The following CAMKMT variants were observed in gnomAD, a reference collection of about 807,000 sequenced individuals.
CAMKMT encodes CaM KMT.
In CAMKMT, 53 loss-of-function variants were observed where a neutral mutation model predicts 48.0. That is an observed-to-expected ratio of 1.10 (90% CI 0.89 to 1.39). The LOEUF is 1.39. Among genes scored for constraint, CAMKMT ranks in the 40% most tolerant of loss-of-function variants. The pLI, the probability that CAMKMT is intolerant of heterozygous loss-of-function variation, is 0.00. For synonymous variants in CAMKMT, 165 were observed against 152.3 expected (o/e 1.08, Z -0.61); for missense variants, 428 against 402.7 (o/e 1.06, Z -0.54).
At chr2:44,717,807 G>A (rs1443056726) in intron 7 of CAMKMT, among the ~76,000 whole-genome samples, 3 of 150,956 alleles carry the variant, frequency 2.0e-5, no homozygotes, top group Admixed American at 6.6e-5. Flanking sequence ...AAGGAAAGTC[G>A]TGGTATGAGA....
At chr2:44,585,347 A>T in intron 3 of CAMKMT, among the ~76,000 whole-genome samples, 1 of 152,232 alleles carries the variant, frequency 6.6e-6, no homozygotes, top group East Asian at 1.9e-4. Context: ...GAAGCAATTC[A>T]GCTGAACTTC....
chr2:44,500,999 C>G (rs1669980287), intron 3 of CAMKMT, among the ~76,000 whole-genome samples: 1 of 151,352 alleles, frequency 6.6e-6, no homozygotes, highest in African/African-American at 2.4e-5. Flanking sequence ...AGTTGAAGAT[C>G]AAAGATATAG....
At chr2:44,552,615 C>T (rs72881156) in intron 3 of CAMKMT, among the ~76,000 whole-genome samples, 3,273 of 152,222 alleles carry the variant, frequency 0.022, 95 homozygotes, top group African/African-American at 0.069. Context: ...GTTTCAGGAA[C>T]CATGCTAAGC....
intron 3 of CAMKMT, among the ~76,000 whole-genome samples, chr2:44,529,932 G>T (rs1012334401): frequency 3.3e-5 from 5 of 152,120 alleles, no homozygotes; most frequent in Non-Finnish European, 5.9e-5. Context: ...GTGCAGTGCC[G>T]CATATATAAT....
chr2:44,384,314 G>A (rs532904426), intron 2 of CAMKMT, among the ~76,000 whole-genome samples: 1 of 151,990 alleles, frequency 6.6e-6, no homozygotes, highest in East Asian at 1.9e-4. Flanking sequence ...TCCACTTTTT[G>A]ATGGGATTGT....
At position 44,456,774 on chromosome 2, in the gene CAMKMT, G is replaced by T. The variant is rs553577698; in HGVS notation, c.376+66469G>T. On this transcript the variant is annotated intron_variant, in intron 3 of 10. Transcript: ENST00000378494. Reference sequence around the variant, plus strand: ...TGTTTTTCTTTTCCTTCTTTTCTGGGAGATCATTAATCAGCTATCCTATTT... The same window carrying T: ...TGTTTTTCTTTTCCTTCTTTTCTGGTAGATCATTAATCAGCTATCCTATTT... The T allele has an allele frequency of 1.6e-4, 96 of 611,268 alleles. No individual in the cohort carries two copies. The South Asian group carries it at 2.7e-3, about 17-fold the overall frequency. The allele number at this position is 611,268 out of a possible 1,614,324, so 37.9% of individuals were successfully genotyped here. A position where few individuals can be genotyped will look rare whatever the true frequency, so the allele number is the denominator to read the frequency against.
At chr2:44,408,218 GT>G (rs1445196427) in intron 3 of CAMKMT, among the ~76,000 whole-genome samples, 1 of 151,820 alleles carries the variant, frequency 6.6e-6, no homozygotes, top group Non-Finnish European at 1.5e-5. Context: ...TAAAGATGGG[GT>G]TTCACCATAT....
At chr2:44,518,081 G>T (rs1053196217) in intron 3 of CAMKMT, among the ~76,000 whole-genome samples, 3 of 152,176 alleles carry the variant, frequency 2.0e-5, no homozygotes, top group African/African-American at 7.2e-5. Flanking sequence ...GGAAATTGAG[G>T]AAGTGCTGCA....
chr2:44,424,893 G>A (rs185187638), intron 3 of CAMKMT, among the ~76,000 whole-genome samples: 23 of 152,228 alleles, frequency 1.5e-4, no homozygotes, highest in African/African-American at 5.5e-4. Flanking sequence ...AACACCACCT[G>A]TTCCCCAATA....
intron 3 of CAMKMT, among the ~76,000 whole-genome samples, chr2:44,471,191 A>T (rs910408097): frequency 4.0e-5 from 6 of 151,868 alleles, no homozygotes; most frequent in African/African-American, 1.5e-4. Context: ...GGGTTTCACC[A>T]TGTTGGCCAG....
chr2:44,366,032 T>C (rs1678554372), intron 1 of CAMKMT, among the ~76,000 whole-genome samples: 1 of 152,250 alleles, frequency 6.6e-6, no homozygotes, highest in South Asian at 2.1e-4. Flanking sequence ...TTTGTAATTC[T>C]TCAAATGTTT....
chr2:44,652,775 C>T (rs767546998), intron 3 of CAMKMT, among the ~76,000 whole-genome samples: 8 of 152,160 alleles, frequency 5.3e-5, no homozygotes, highest in East Asian at 1.9e-4. Flanking sequence ...TCCGTATCTC[C>T]GAAATAAAGA....
intron 3 of CAMKMT, among the ~76,000 whole-genome samples, chr2:44,481,647 C>T (rs974375899): frequency 6.6e-6 from 1 of 151,874 alleles, no homozygotes; most frequent in African/African-American, 2.4e-5. Flanking sequence ...TGATATATGT[C>T]CTTCAGTGAA....
chr2:44,503,251 A>G (rs550795153), intron 3 of CAMKMT, among the ~76,000 whole-genome samples: 1 of 152,250 alleles, frequency 6.6e-6, no homozygotes, highest in South Asian at 2.1e-4. Context: ...CAAACAATGG[A>G]AGTACTTCTG....
intron 3 of CAMKMT, among the ~76,000 whole-genome samples, chr2:44,434,804 G>C (rs1195675729): frequency 1.3e-5 from 2 of 152,138 alleles, no homozygotes; most frequent in Non-Finnish European, 2.9e-5. Flanking sequence ...GTTGCTAATA[G>C]GTTTCCAACA....
intron 3 of CAMKMT, among the ~76,000 whole-genome samples, chr2:44,623,114 C>A: frequency 6.6e-6 from 1 of 152,040 alleles, no homozygotes; most frequent in South Asian, 2.1e-4. Context: ...GTTTATTGGC[C>A]ATTTGTATGT....
chr2:44,422,931 T>A (rs969669484), intron 3 of CAMKMT, among the ~76,000 whole-genome samples: 28 of 152,166 alleles, frequency 1.8e-4, no homozygotes, highest in African/African-American at 6.5e-4. Flanking sequence ...GGTGAGCTCC[T>A]TGTTCAGAAT....
At chr2:44,560,715 TTCAAAATCA>T in intron 3 of CAMKMT, among the ~76,000 whole-genome samples, 1 of 152,232 alleles carries the variant, frequency 6.6e-6, no homozygotes, top group East Asian at 1.9e-4. Context: ...AATTTTATCC[TTCAAAATCA>T]TCTGAACAAA....
intron 3 of CAMKMT, among the ~76,000 whole-genome samples, chr2:44,394,168 A>G (rs966068859): frequency 1.3e-5 from 2 of 152,178 alleles, no homozygotes; most frequent in Non-Finnish European, 2.9e-5. Flanking sequence ...ATAGGAGGTC[A>G]GCAGTTAAAT....
Sources: allele counts gnomAD v4.1 joint callset (sites outside exome capture counted in the v4.1 genomes callset), GRCh38; gene constraint gnomAD v4.1.1; transcripts MANE v1.5; gene names NCBI Gene and HGNC (gene_info 2026-07-23, HGNC 2026-07-21).